Variants in CYTH1 observed in about 807,000 individuals in gnomAD.
CYTH1 encodes cytohesin-1.
In CYTH1, 18 loss-of-function variants were observed where a neutral mutation model predicts 61.8. That is an observed-to-expected ratio of 0.29 (90% CI 0.20 to 0.43). The LOEUF (loss-of-function observed/expected upper bound fraction) is 0.43, where lower values mean the gene tolerates loss of function less well. CYTH1 is among the 20% of genes least tolerant of loss of function. CYTH1 has a pLI of 1.00. For missense variants in CYTH1, 336 were observed against 510.5 expected (o/e 0.66, Z 3.29); for synonymous variants, 174 against 184.3 (o/e 0.94, Z 0.45).
At chr17:78,727,354 A>G (rs1460611880) in intron 1 of CYTH1, among the ~76,000 whole-genome samples, 2 of 152,068 alleles carry the variant, frequency 1.3e-5, no homozygotes, top group Non-Finnish European at 2.9e-5. Flanking sequence ...CACTCCTTAC[A>G]CTTAAAAATG....
chr17:78,730,986 A>C (rs1249820309), intron 1 of CYTH1, among the ~76,000 whole-genome samples: 2 of 152,180 alleles, frequency 1.3e-5, no homozygotes, highest in African/African-American at 4.8e-5. Context: ...CTTAAGGAAG[A>C]AGTGAATGTG....
intron 1 of CYTH1, among the ~76,000 whole-genome samples, chr17:78,755,371 T>G (rs2093396389): frequency 6.6e-6 from 1 of 151,670 alleles, no homozygotes; most frequent in South Asian, 2.1e-4. Flanking sequence ...TGATCTCAAG[T>G]GATCCGCTCG....
intron 1 of CYTH1, among the ~76,000 whole-genome samples, chr17:78,760,357 A>G (rs1038217459): frequency 2.6e-5 from 1 of 37,846 alleles, no homozygotes; most frequent in African/African-American, 8.4e-5. Context: ...TAGCAGGTTT[A>G]TATATATATA....
In CYTH1 at chr17:78,709,681, C is replaced by T. The variant is rs2093107751; in HGVS notation, c.74G>A (p.Arg25Gln). ...EERQELENIR[R>Q]RKQELLADIQ... is the part of the protein sequence containing the mutation. ...GTCAGCCAGCAGCTCCTGTTTTCTC[C>T]GTCGGATGTTCTCCAGTTCTTGACG... The change falls in exon 2 of 14, where the codon CGG becomes CAG. Residue 25 changes from arginine (R) to glutamine (Q), a missense_variant. Transcript: ENST00000446868. The T allele has an allele frequency of 1.9e-6, 3 of 1,614,234 alleles. No individual in the cohort carries two copies. Among genetic ancestry groups the T allele is most frequent in the Middle Eastern group, 1.6e-4 (1 of 6,062 alleles).
chr17:78,700,531 C>CTTTT lies in CYTH1; in HGVS notation c.438-92_438-89dup. The CTTTT allele has an allele frequency of 1.2e-6, 1 of 841,484 alleles. No individual in the cohort carries two copies. The highest frequency in any genetic ancestry group is 1.7e-6 in the Non-Finnish European group (1 of 591,266). 52.1% of individuals were successfully genotyped at this position (841,484 alleles called of 1,614,324 possible). A position where few individuals can be genotyped will look rare whatever the true frequency, so the allele number is the denominator to read the frequency against. On this transcript the variant is annotated intron_variant, in intron 6 of 13. Transcript: ENST00000446868. The surrounding 1 kb of genome is among the most constrained non-coding windows in gnomAD (Gnocchi z 5.1). ...TTAAACTGCCAATGATTTTTTTTTT[C>CTTTT]TTTTTTTTTTTGAGATGGAGTCTCA... is the stretch of plus-strand genomic sequence containing the variant.
At chr17:78,688,340 T>C (rs573329662) in intron 11 of CYTH1, among the ~76,000 whole-genome samples, 1 of 152,206 alleles carries the variant, frequency 6.6e-6, no homozygotes, top group South Asian at 2.1e-4. Context: ...CCCTGAAAAA[T>C]ATGTCACAGA....
intron 3 of CYTH1, among the ~76,000 whole-genome samples, chr17:78,707,537 A>G (rs2093080427): frequency 1.3e-5 from 2 of 152,328 alleles, no homozygotes; most frequent in South Asian, 4.1e-4. Context: ...TCGTATCAGC[A>G]GCATTCATTA....
chr17:78,675,634 A>T lies in CYTH1; in HGVS notation c.*457T>A. 2.0e-5 allele frequency: 6 copies of T among 298,882 alleles called. No individual in the cohort carries two copies. The highest frequency in any genetic ancestry group is 1.1e-4 in the African/African-American group (5 of 45,614). The allele number at this position is 298,882 out of a possible 1,614,324, so 18.5% of individuals were successfully genotyped here. Reference sequence around the variant, plus strand: ...TGAACAGCCCTACGTTCTCTCTTAAAAAAAAAAAAATAGATCTTTATAGTA... The same window carrying T: ...TGAACAGCCCTACGTTCTCTCTTAATAAAAAAAAAATAGATCTTTATAGTA... On this transcript the variant is annotated 3_prime_UTR_variant, in exon 14 of 14. Coordinates refer to ENST00000446868, the MANE Select transcript of CYTH1 (RefSeq NM_004762.6).
chr17:78,732,053 C>T (rs2093297722), intron 1 of CYTH1, among the ~76,000 whole-genome samples: 1 of 152,190 alleles, frequency 6.6e-6, no homozygotes, highest in African/African-American at 2.4e-5. Context: ...ACGGGAATCT[C>T]TGCTGTTTCC....
chr17:78,747,145 C>CAA (rs56201341), intron 1 of CYTH1, among the ~76,000 whole-genome samples: 6,213 of 56,828 alleles, frequency 0.11, 414 homozygotes, highest in Non-Finnish European at 0.13. Context: ...ATGGCAGCGC[C>CAA]AAAAAAAAAA....
chr17:78,743,547 A>C (rs1465895403), intron 1 of CYTH1, among the ~76,000 whole-genome samples: 1 of 152,222 alleles, frequency 6.6e-6, no homozygotes, highest in Non-Finnish European at 1.5e-5. Flanking sequence ...TGGCAAGTAC[A>C]ATGCAGGTAC....
At chr17:78,725,047 CCT>C (rs1222654634) in intron 1 of CYTH1, among the ~76,000 whole-genome samples, 10 of 152,270 alleles carry the variant, frequency 6.6e-5, no homozygotes, top group African/African-American at 9.6e-5. Flanking sequence ...TCCCTGGGCC[CCT>C]GTCTTCCTCC....
chr17:78,730,505 C>CT (rs1248079648), intron 1 of CYTH1, among the ~76,000 whole-genome samples: 2 of 150,296 alleles, frequency 1.3e-5, no homozygotes, highest in Non-Finnish European at 3.0e-5. Flanking sequence ...CGCCACTGCA[C>CT]TCCAGCCTGG....
At chr17:78,725,027 G>C (rs1233010279) in intron 1 of CYTH1, among the ~76,000 whole-genome samples, 2 of 152,024 alleles carry the variant, frequency 1.3e-5, no homozygotes, top group South Asian at 4.1e-4. Flanking sequence ...GAGAGTCCCA[G>C]TGCAACACGT....
At chr17:78,681,313 G>A (rs2144023910) in intron 11 of CYTH1, among the ~76,000 whole-genome samples, 1 of 152,276 alleles carries the variant, frequency 6.6e-6, no homozygotes, top group African/African-American at 2.4e-5. Flanking sequence ...CCCGGGCACG[G>A]TCCTCAAGCA....
intron 1 of CYTH1, among the ~76,000 whole-genome samples, chr17:78,775,309 G>C (rs2093486849): frequency 6.6e-6 from 1 of 152,148 alleles, no homozygotes; most frequent in African/African-American, 2.4e-5. Flanking sequence ...GAAAGCCTCG[G>C]GTGCTAAGGG....
At position 78,723,668 on chromosome 17, in the gene CYTH1, C is replaced by T. The variant is rs576237723; in HGVS notation, c.23-13936G>A. The T allele has an allele frequency of 8.5e-5, 13 of 152,606 alleles. No individual in the cohort carries two copies. The South Asian group carries it at 1.2e-3, about 15-fold the overall frequency. 9.5% of individuals were successfully genotyped at this position (152,606 alleles called of 1,614,324 possible). ...TCCCGGGGGGGAGGGGAGGCACCACCAGCATTTGCGCACAGGCTGCACTTG... is the reference window on the plus strand; with the variant it reads ...TCCCGGGGGGGAGGGGAGGCACCACTAGCATTTGCGCACAGGCTGCACTTG... On this transcript the variant is annotated intron_variant, in intron 1 of 13. Transcript: ENST00000446868.
chr17:78,743,133 TG>T (rs2093347649), intron 1 of CYTH1, among the ~76,000 whole-genome samples: 1 of 152,230 alleles, frequency 6.6e-6, no homozygotes, highest in African/African-American at 2.4e-5. Context: ...AAGATGTCTA[TG>T]TTATACTGTT....
At chr17:78,718,935 T>A (rs577318356) in intron 1 of CYTH1, among the ~76,000 whole-genome samples, 1 of 152,374 alleles carries the variant, frequency 6.6e-6, no homozygotes, top group Admixed American at 6.5e-5. Flanking sequence ...AGCCTGCATT[T>A]ACTGCTTGCC....
Sources: gnomAD v4.1 joint callset for allele counts (sites outside exome capture counted in the v4.1 genomes callset) on GRCh38, gnomAD v4.1.1 for gene constraint, Gnocchi (gnomAD v3.1) non-coding constraint, MANE v1.5 for transcripts, NCBI Gene and HGNC (gene_info 2026-07-23, HGNC 2026-07-21) for gene names.